Variants in ARHGEF3 observed in about 807,000 individuals in gnomAD.
The protein encoded by ARHGEF3 is Rho guanine nucleotide exchange factor 3.
A neutral mutation model predicts 63.2 loss-of-function variants in ARHGEF3; 28 were observed. That is an observed-to-expected ratio of 0.44 (90% CI 0.33 to 0.61). The LOEUF is 0.61. Among genes scored for constraint, ARHGEF3 ranks in the 20% least tolerant of loss-of-function variants. The probability of loss-of-function intolerance (pLI) is 0.03; values close to 1 mark genes in which losing one functional copy is unlikely to be tolerated. For synonymous variants in ARHGEF3, 266 were observed against 254.2 expected (o/e 1.05, Z -0.44); for missense variants, 533 against 659.3 (o/e 0.81, Z 2.10).
intron 3 of ARHGEF3, among the ~76,000 whole-genome samples, chr3:56,908,637 T>C (rs1267917565): frequency 6.6e-6 from 1 of 152,214 alleles, no homozygotes; most frequent in Non-Finnish European, 1.5e-5. Context: ...CCCTGTATTC[T>C]GAAAAGGTAC....
chr3:56,782,862 G>C (rs149756571), intron 1 of ARHGEF3, among the ~76,000 whole-genome samples: 12 of 152,318 alleles, frequency 7.9e-5, no homozygotes, highest in Admixed American at 3.3e-4. Context: ...AGTCGCAAGA[G>C]AGTCTGGGCA....
chr3:56,775,226 GAA>G, intron 1 of ARHGEF3: 1 of 1,368,268 alleles, frequency 7.3e-7, no homozygotes, highest in Non-Finnish European at 9.5e-7. Flanking sequence ...TCCCCGTTCT[GAA>G]CATAGTAGGT....
intron 1 of ARHGEF3, chr3:57,074,009 C>G: frequency 1.2e-6 from 2 of 1,614,204 alleles, no homozygotes; most frequent in South Asian, 2.2e-5. Context: ...TGGGAAGACC[C>G]TCTTCACCTC....
chr3:57,059,322 GGAA>G (rs1448652805), intron 1 of ARHGEF3, among the ~76,000 whole-genome samples: 2 of 152,022 alleles, frequency 1.3e-5, no homozygotes, highest in African/African-American at 2.4e-5. Context: ...GGGACACACT[GGAA>G]GAAGAATTGT....
intron 4 of ARHGEF3, among the ~76,000 whole-genome samples, chr3:56,837,365 T>C (rs559562851): frequency 6.6e-5 from 10 of 152,196 alleles, no homozygotes; most frequent in Non-Finnish European, 1.3e-4. Context: ...CTTGTGGTCC[T>C]GCATTAACGC....
intron 3 of ARHGEF3, among the ~76,000 whole-genome samples, chr3:56,904,388 C>G (rs890416488): frequency 1.3e-5 from 2 of 152,144 alleles, no homozygotes; most frequent in Admixed American, 6.5e-5. Context: ...TGGTCTCAAA[C>G]TTCTGGGCTC....
At chr3:56,894,164 C>A (rs1228816290) in intron 3 of ARHGEF3, among the ~76,000 whole-genome samples, 3 of 152,140 alleles carry the variant, frequency 2.0e-5, no homozygotes, top group Admixed American at 6.5e-5. Flanking sequence ...GATAAATAAT[C>A]CAGCTTCTGA....
chr3:57,064,487 A>G (rs1705415649), intron 1 of ARHGEF3, among the ~76,000 whole-genome samples: 1 of 152,052 alleles, frequency 6.6e-6, no homozygotes, highest in African/African-American at 2.4e-5. Context: ...CACGCCCAGC[A>G]AATTGCTGTA....
intron 8 of ARHGEF3, among the ~76,000 whole-genome samples, chr3:56,735,418 C>A (rs13319627): frequency 6.6e-6 from 1 of 151,886 alleles, no homozygotes; most frequent in East Asian, 1.9e-4. Context: ...TTCACAATGA[C>A]GTTTACAACT....
chr3:56,751,244 T>C, intron 5 of ARHGEF3, 56 bp downstream of exon 5: 1 of 1,555,760 alleles, frequency 6.4e-7, no homozygotes, highest in Non-Finnish European at 8.9e-7. Context: ...TCACTCATTA[T>C]AAGACAACTC....
At chr3:56,768,667 CAAA>C (rs770390697) in intron 2 of ARHGEF3, among the ~76,000 whole-genome samples, 2 of 44,048 alleles carry the variant, frequency 4.5e-5, no homozygotes, top group Non-Finnish European at 5.2e-5. Context: ...AAGCAAAATG[CAAA>C]AAAAAAAAAA....
At chr3:57,028,544 GGGT>G (rs1394197155) in intron 2 of ARHGEF3, among the ~76,000 whole-genome samples, 2 of 99,960 alleles carry the variant, frequency 2.0e-5, no homozygotes, top group African/African-American at 7.9e-5. Flanking sequence ...GACTGTGGTG[GGGT>G]GGGGGGAGGG....
At chr3:56,888,688 C>T (rs977747899) in intron 3 of ARHGEF3, among the ~76,000 whole-genome samples, 4 of 152,058 alleles carry the variant, frequency 2.6e-5, no homozygotes, top group African/African-American at 4.8e-5. Flanking sequence ...GGATCACCTG[C>T]GGTCAGGAGT....
At chr3:56,937,296 T>C (rs764769927) in intron 3 of ARHGEF3, among the ~76,000 whole-genome samples, 2 of 152,216 alleles carry the variant, frequency 1.3e-5, no homozygotes, top group Non-Finnish European at 2.9e-5. Flanking sequence ...GATACTATGA[T>C]AATGTAGGAA....
intron 2 of ARHGEF3, among the ~76,000 whole-genome samples, chr3:57,011,966 T>G (rs994487141): frequency 2.0e-5 from 3 of 152,122 alleles, no homozygotes; most frequent in East Asian, 3.9e-4. Context: ...TGACTGGCCC[T>G]GGGTCCTGGG....
chr3:56,779,786 T>A (rs896806566), intron 1 of ARHGEF3, among the ~76,000 whole-genome samples: 1 of 152,274 alleles, frequency 6.6e-6, no homozygotes, highest in Non-Finnish European at 1.5e-5. Context: ...GCCATATTTT[T>A]ATAGATTTAT....
At chr3:56,906,800 G>C (rs1468724619) in intron 3 of ARHGEF3, among the ~76,000 whole-genome samples, 1 of 149,642 alleles carries the variant, frequency 6.7e-6, no homozygotes, top group Non-Finnish European at 1.5e-5. Context: ...TCACACTACT[G>C]TACTCCAGCC....
intron 1 of ARHGEF3, among the ~76,000 whole-genome samples, chr3:57,039,674 T>C (rs1704098853): frequency 6.6e-6 from 1 of 152,174 alleles, no homozygotes; most frequent in South Asian, 2.1e-4. Flanking sequence ...CTTCTAAAGG[T>C]CACTTTGCAT....
intron 1 of ARHGEF3, among the ~76,000 whole-genome samples, chr3:57,071,280 C>T (rs1705887075): frequency 6.6e-6 from 1 of 152,004 alleles, no homozygotes; most frequent in South Asian, 2.1e-4. Context: ...GAAGCTAGAC[C>T]CCTACCTCAC....
Sources: gnomAD v4.1 joint callset for allele counts (sites outside exome capture counted in the v4.1 genomes callset) on GRCh38, gnomAD v4.1.1 for gene constraint, MANE v1.5 for transcripts, NCBI Gene and HGNC (gene_info 2026-07-23, HGNC 2026-07-21) for gene names.